Variants in MDFIC2 observed in about 807,000 individuals in gnomAD.
MDFIC2 encodes MyoD family inhibitor domain containing 2.
At position 70,201,434 on chromosome 3, in the gene MDFIC2, A is replaced by G. The variant is rs115972846; in HGVS notation, c.311-4249T>C. ...GGTATATATGTACCACATTTTCTTT[A>G]ACTAGTCTATCATTGATGGACATTT... is the stretch of plus-strand genomic sequence containing the variant. On this transcript the variant is annotated intron_variant, in intron 3 of 3. Transcript: ENST00000567252. Among the ~76,000 whole-genome samples the G allele has an allele frequency of 3.4e-3, 525 of 152,198 alleles. 4 individuals carry two copies. The highest frequency in any genetic ancestry group is 0.012 in the African/African-American group (511 of 41,524).
At chr3:70,209,482 G>A (rs1701321581) in intron 2 of MDFIC2, among the ~76,000 whole-genome samples, 1 of 152,050 alleles carries the variant, frequency 6.6e-6, no homozygotes, top group African/African-American at 2.4e-5. Context: ...CTAGGAGGTA[G>A]ATATTGTTAG....
At chr3:70,244,013 A>G (rs140510811) in intron 2 of MDFIC2, among the ~76,000 whole-genome samples, 1 of 152,180 alleles carries the variant, frequency 6.6e-6, no homozygotes, top group East Asian at 1.9e-4. Context: ...TCTCCCCTCT[A>G]CGCAACTTGA....
At chr3:70,258,316 T>G (rs1701835895) in intron 2 of MDFIC2, among the ~76,000 whole-genome samples, 1 of 152,126 alleles carries the variant, frequency 6.6e-6, no homozygotes, top group Non-Finnish European at 1.5e-5. Flanking sequence ...AAATCTTTGC[T>G]CTTTGAAAAA....
intron 2 of MDFIC2, among the ~76,000 whole-genome samples, chr3:70,289,835 C>G (rs900269618): frequency 2.0e-5 from 3 of 152,048 alleles, no homozygotes; most frequent in African/African-American, 7.2e-5. Context: ...GATACCCTTT[C>G]TTCCAGTTGA....
rs1347519108 is a variant in MDFIC2 at position 70,287,812 on chromosome 3, T to C, written c.88+24074A>G. Among the ~76,000 whole-genome samples, 419 of 151,082 alleles carry C rather than the reference T, an allele frequency of 2.8e-3. 2 individuals carry two copies. The highest frequency in any genetic ancestry group is 9.2e-3 in the African/African-American group (383 of 41,416). On this transcript the variant is annotated intron_variant, in intron 2 of 3. Coordinates refer to ENST00000567252, the MANE Select transcript of MDFIC2 (RefSeq NM_001364677.1). ...GAGAGTGTATGTGTCGAGGAATTTA[T>C]CCATTTCTTCTAGATTTTCTAGTTT...
chr3:70,290,319 G>A (rs1206033625), intron 2 of MDFIC2, among the ~76,000 whole-genome samples: 1 of 150,138 alleles, frequency 6.7e-6, no homozygotes, highest in Non-Finnish European at 1.5e-5. Context: ...GTACCCTGCA[G>A]TGTAAGGTGT....
intron 2 of MDFIC2, among the ~76,000 whole-genome samples, chr3:70,263,787 C>T (rs1452143342): frequency 6.6e-6 from 1 of 152,124 alleles, no homozygotes; most frequent in Non-Finnish European, 1.5e-5. Context: ...CTGTCTGGCT[C>T]CATCTGGGTT....
At chr3:70,286,932 G>T (rs866651552) in intron 2 of MDFIC2, among the ~76,000 whole-genome samples, 1 of 151,514 alleles carries the variant, frequency 6.6e-6, no homozygotes, top group African/African-American at 2.4e-5. Context: ...TGCTGAAGTT[G>T]CTTATCAGCT....
chr3:70,221,861 C>T (rs72941599), intron 2 of MDFIC2, among the ~76,000 whole-genome samples: 2,033 of 152,130 alleles, frequency 0.013, 41 homozygotes, highest in African/African-American at 0.045. Flanking sequence ...GAGGTTTTGT[C>T]GTTACTTTCA....
chr3:70,286,420 C>G (rs867404006), intron 2 of MDFIC2, among the ~76,000 whole-genome samples: 3,220 of 151,776 alleles, frequency 0.021, 39 homozygotes, highest in Non-Finnish European at 0.027. Flanking sequence ...TGATCTATAT[C>G]TCTGTTTTGG....
chr3:70,288,582 C>G (rs6805728), intron 2 of MDFIC2, among the ~76,000 whole-genome samples: 51,174 of 138,530 alleles, frequency 0.37, 10,039 homozygotes, highest in South Asian at 0.51. Context: ...GGTCCACTTG[C>G]TGCAGAGCTG....
chr3:70,224,995 A>C (rs1320680119), intron 2 of MDFIC2, among the ~76,000 whole-genome samples: 2 of 152,174 alleles, frequency 1.3e-5, no homozygotes, highest in Non-Finnish European at 2.9e-5. Context: ...GTGACATGAC[A>C]ATGTTGATAC....
chr3:70,211,822 C>CCCTTTTT (rs553382110), intron 2 of MDFIC2, among the ~76,000 whole-genome samples: 1 of 148,564 alleles, frequency 6.7e-6, no homozygotes, highest in African/African-American at 2.5e-5. Context: ...CCCTTCCCTT[C>CCCTTTTT]CCTTTTTCCT....
intron 2 of MDFIC2, among the ~76,000 whole-genome samples, chr3:70,289,874 C>T (rs1004541243): frequency 6.6e-6 from 1 of 151,934 alleles, no homozygotes. Flanking sequence ...CTTCTGCATT[C>T]TTCACGTAGT....
At chr3:70,274,097 G>GCA (rs1701999845) in intron 2 of MDFIC2, among the ~76,000 whole-genome samples, 2 of 151,084 alleles carry the variant, frequency 1.3e-5, no homozygotes, top group South Asian at 4.2e-4. Flanking sequence ...GTGTGCGCGC[G>GCA]CGCATGTGTG....
At chr3:70,311,722 A>G (rs538012123) in intron 2 of MDFIC2, among the ~76,000 whole-genome samples, 164 bp downstream of exon 2, 14 of 151,788 alleles carry the variant, frequency 9.2e-5, no homozygotes, top group Non-Finnish European at 1.8e-4. Flanking sequence ...TCAAACAACC[A>G]CTTAGGCCAC....
chr3:70,218,455 G>A (rs574451755), intron 2 of MDFIC2, among the ~76,000 whole-genome samples: 2 of 152,174 alleles, frequency 1.3e-5, no homozygotes, highest in Non-Finnish European at 2.9e-5. Flanking sequence ...ATAGACTGAG[G>A]TCAGTACTCT....
At chr3:70,243,563 T>C (rs887938621) in intron 2 of MDFIC2, among the ~76,000 whole-genome samples, 4 of 152,336 alleles carry the variant, frequency 2.6e-5, no homozygotes, top group South Asian at 4.1e-4. Flanking sequence ...TTCTGCACTA[T>C]CGTCATTTTG....
At chr3:70,221,214 A>C (rs1237499752) in intron 2 of MDFIC2, among the ~76,000 whole-genome samples, 1 of 152,164 alleles carries the variant, frequency 6.6e-6, no homozygotes, top group Non-Finnish European at 1.5e-5. Context: ...CCATTCATTT[A>C]TTCATTAGTG....
Sources: gnomAD v4.1 joint callset for allele counts (sites outside exome capture counted in the v4.1 genomes callset) on GRCh38, gnomAD v4.1.1 for gene constraint, MANE v1.5 for transcripts, NCBI Gene and HGNC (gene_info 2026-07-23, HGNC 2026-07-21) for gene names.